Variants in ATXN1 observed in about 807,000 individuals in gnomAD.
ATXN1 encodes ataxin 1, also known as ataxin-1.
ATXN1 carries 8 observed loss-of-function variants against 56.4 expected under a neutral mutation model. The ratio of observed to expected loss-of-function variants is 0.14; its 90% CI spans 0.08 to 0.26. The LOEUF (loss-of-function observed/expected upper bound fraction) is 0.26, where lower values mean the gene tolerates loss of function less well. ATXN1 is among the 10% of genes least tolerant of loss of function. The pLI is 1.00. For missense variants in ATXN1, 987 were observed against 1,106.5 expected, an observed-to-expected ratio of 0.89 and a Z score of 1.53; for synonymous variants, 514 against 494.6, an observed-to-expected ratio of 1.04 and a Z score of -0.52.
At chr6:16,542,133 A>T (rs1761726819) in intron 4 of ATXN1, among the ~76,000 whole-genome samples, 1 of 151,870 alleles carries the variant, frequency 6.6e-6, no homozygotes, top group African/African-American at 2.4e-5. Flanking sequence ...GAGAGACATT[A>T]AAAAAAGATA....
At chr6:16,463,219 T>C (rs1450601399) in intron 6 of ATXN1, among the ~76,000 whole-genome samples, 2 of 152,210 alleles carry the variant, frequency 1.3e-5, no homozygotes, top group African/African-American at 4.8e-5. Flanking sequence ...CAACCAGTTC[T>C]GTCTACCCAG....
At chr6:16,617,128 T>C (rs1446646373) in intron 3 of ATXN1, among the ~76,000 whole-genome samples, 1 of 152,104 alleles carries the variant, frequency 6.6e-6, no homozygotes, top group Non-Finnish European at 1.5e-5. Context: ...GGGGGACTAC[T>C]GTATAAGGAA....
chr6:16,480,128 G>C (rs952851370), intron 6 of ATXN1, among the ~76,000 whole-genome samples: 1 of 130,186 alleles, frequency 7.7e-6, no homozygotes, highest in Non-Finnish European at 1.6e-5. Context: ...CTCCAGCCTG[G>C]GCAACACAGC....
intron 2 of ATXN1, among the ~76,000 whole-genome samples, chr6:16,724,656 C>T (rs115495406): frequency 1.7e-3 from 260 of 152,266 alleles, no homozygotes; most frequent in African/African-American, 6.0e-3. Flanking sequence ...TAGATAGATG[C>T]ACTGACTTAC....
At chr6:16,436,255 G>A (rs1163550854) in intron 6 of ATXN1, among the ~76,000 whole-genome samples, 1 of 152,108 alleles carries the variant, frequency 6.6e-6, no homozygotes, top group Non-Finnish European at 1.5e-5. Flanking sequence ...CATAGTAGTT[G>A]CTGAATAAAT....
intron 2 of ATXN1, among the ~76,000 whole-genome samples, chr6:16,706,285 A>G (rs1421297501): frequency 2.0e-5 from 3 of 152,174 alleles, no homozygotes. Flanking sequence ...TCCCAGTACT[A>G]GAGGTCAAAG....
intron 6 of ATXN1, among the ~76,000 whole-genome samples, chr6:16,392,460 T>C (rs1758374219): frequency 6.6e-6 from 1 of 152,178 alleles, no homozygotes; most frequent in Non-Finnish European, 1.5e-5. Flanking sequence ...TCAATGGTTA[T>C]TTTGTGCTTA....
rs993020484 is a variant in ATXN1, at chr6:16,301,351, T to C, written c.*4978A>G. The stretch of plus-strand genomic sequence containing the variant: ...AGGTAACGTATTTGAAGCGAGGTCA[T>C]CTATGTAAAAGAAATCTCAGCTCCG... On this transcript the variant is annotated 3_prime_UTR_variant, in exon 8 of 8. Coordinates refer to ENST00000436367, the MANE Select transcript of ATXN1 (RefSeq NM_001128164.2). 1 of 152,620 alleles carries C rather than the reference T, an allele frequency of 6.6e-6. No individual in the cohort carries two copies. The allele number at this position is 152,620 out of a possible 1,614,324, so 9.5% of individuals were successfully genotyped here.
intron 2 of ATXN1, among the ~76,000 whole-genome samples, chr6:16,694,408 C>T (rs949460736): frequency 2.0e-5 from 3 of 152,034 alleles, no homozygotes; most frequent in Non-Finnish European, 2.9e-5. Flanking sequence ...TGTGTGCCAC[C>T]ACGCCCAGCT....
At chr6:16,440,648 A>AAAAAAAAAAAAAAAAGAAAGAAAGAAAG (rs748929817) in intron 6 of ATXN1, among the ~76,000 whole-genome samples, 1 of 118,548 alleles carries the variant, frequency 8.4e-6, no homozygotes, top group Non-Finnish European at 1.7e-5. Context: ...CTTAAAAAAA[A>AAAAAAAAAAAAAAAAGAAAGAAAGAAAG]AAAAGAAAAG....
intron 2 of ATXN1, among the ~76,000 whole-genome samples, chr6:16,711,971 T>TACTG (rs1554127711): frequency 3.6e-5 from 3 of 84,430 alleles, no homozygotes; most frequent in Non-Finnish European, 6.9e-5. Flanking sequence ...TACGAAAAAG[T>TACTG]ACTGACTGAT....
intron 6 of ATXN1, among the ~76,000 whole-genome samples, chr6:16,415,662 C>T (rs972378720): frequency 6.6e-6 from 1 of 152,274 alleles, no homozygotes; most frequent in Non-Finnish European, 1.5e-5. Flanking sequence ...TCTCGGCTCA[C>T]ACTAGTCCAG....
intron 2 of ATXN1, among the ~76,000 whole-genome samples, chr6:16,750,552 C>T (rs1386195009): frequency 3.3e-5 from 5 of 152,136 alleles, no homozygotes; most frequent in Non-Finnish European, 7.4e-5. Flanking sequence ...TTAGATAATG[C>T]TTATAAGCTT....
chr6:16,466,248 G>A (rs1456702854), intron 6 of ATXN1, among the ~76,000 whole-genome samples: 1 of 146,316 alleles, frequency 6.8e-6, no homozygotes, highest in Non-Finnish European at 1.5e-5. Context: ...CCAGGCGGGG[G>A]CAGAGATTGC....
At chr6:16,350,097 A>G (rs1761535033) in intron 6 of ATXN1, among the ~76,000 whole-genome samples, 1 of 152,236 alleles carries the variant, frequency 6.6e-6, no homozygotes, top group Non-Finnish European at 1.5e-5. Context: ...GTAGGCACCA[A>G]TGACTGTAAT....
intron 6 of ATXN1, among the ~76,000 whole-genome samples, chr6:16,483,692 A>C (rs1323216315): frequency 1.3e-5 from 2 of 152,242 alleles, no homozygotes; most frequent in East Asian, 3.8e-4. Context: ...TAAAGTGTAC[A>C]CTTCAGAAGT....
At position 16,318,638 on chromosome 6, in the gene ATXN1, C is replaced by T. The variant is rs373516194; in HGVS notation, c.1917+7756G>A. On this transcript the variant is annotated intron_variant, in intron 7 of 7. Transcript: ENST00000436367. ...TCTATTTAAAACACTGAATCATGTT[C>T]ACGCAAAGCCTGACTCAGTCCTTGG... Among the ~76,000 whole-genome samples, 6 of 152,228 alleles carry T rather than the reference C, an allele frequency of 3.9e-5. No homozygotes were observed. In the East Asian group the frequency reaches 9.6e-4, roughly 24 times the overall value.
intron 3 of ATXN1, among the ~76,000 whole-genome samples, chr6:16,606,281 T>C (rs983438742): frequency 9.9e-5 from 15 of 152,242 alleles, no homozygotes; most frequent in African/African-American, 3.1e-4. Context: ...TTCTTTACTA[T>C]GTCTCCTTAC....
intron 6 of ATXN1, among the ~76,000 whole-genome samples, chr6:16,391,498 G>C (rs1186239680): frequency 1.3e-5 from 2 of 152,140 alleles, no homozygotes; most frequent in African/African-American, 4.8e-5. Flanking sequence ...TGATCAGTTA[G>C]GTTTGGGATC....
Sources: allele counts gnomAD v4.1 joint callset (sites outside exome capture counted in the v4.1 genomes callset), GRCh38; gene constraint gnomAD v4.1.1; transcripts MANE v1.5; gene names NCBI Gene and HGNC (gene_info 2026-07-23, HGNC 2026-07-21).